The following GTF2F2 variants were observed in gnomAD, a reference collection of about 807,000 sequenced individuals.
GTF2F2 encodes the protein ATP-dependent helicase GTF2F2.
A neutral mutation model predicts 42.2 loss-of-function variants in GTF2F2; 23 were observed. The observed-to-expected ratio is 0.55, with a 90% CI of 0.39 to 0.77. The LOEUF (loss-of-function observed/expected upper bound fraction) is 0.77. GTF2F2 is among the 30% of genes least tolerant of loss of function. The pLI is 0.00. For synonymous variants in GTF2F2, 105 were observed against 100.8 expected (o/e 1.04, Z -0.25); for missense variants, 261 against 287.2 (o/e 0.91, Z 0.66).
intron 4 of GTF2F2, among the ~76,000 whole-genome samples, chr13:45,192,556 A>T (rs973957804): frequency 6.6e-6 from 1 of 152,198 alleles, no homozygotes; most frequent in African/African-American, 2.4e-5. Flanking sequence ...GCAAATTTAA[A>T]TATATTTTGT....
intron 5 of GTF2F2, among the ~76,000 whole-genome samples, chr13:45,212,471 C>CTTTTCTTTTCTTTTCTTTTCT (rs374232843): frequency 1.3e-4 from 10 of 75,076 alleles, no homozygotes; most frequent in African/African-American, 3.4e-4. Flanking sequence ...TTCTTTCTTT[C>CTTTTCTTTTCTTTTCTTTTCT]TTTCTTTCTT....
intron 7 of GTF2F2, among the ~76,000 whole-genome samples, chr13:45,270,920 ACT>A (rs1314524850): frequency 1.3e-5 from 2 of 152,080 alleles, no homozygotes; most frequent in Admixed American, 1.3e-4. Context: ...GAACTTCAAC[ACT>A]CTGTTTTCTA....
intron 6 of GTF2F2, among the ~76,000 whole-genome samples, chr13:45,259,647 CTTTTTTTT>C (rs1172870085): frequency 1.4e-5 from 1 of 72,224 alleles, no homozygotes; most frequent in Non-Finnish European, 2.4e-5. Context: ...AAACCTAGAA[CTTTTTTTT>C]TTTTTTTTTT....
chr13:45,207,404 C>CT lies in GTF2F2; in HGVS notation c.305-10dup, dbSNP rs376474669. On this transcript the variant is annotated intron_variant, in intron 4 of 7. Transcript: ENST00000340473. ...AAATGATAAGTATTATCTCTGAATC[C>CT]TTTTTTTTTTCCATTCAAGATAAGC... 9,695 of 1,244,960 alleles carry CT rather than the reference C, an allele frequency of 7.8e-3. No individual in the cohort carries two copies. Among genetic ancestry groups the CT allele is most frequent in the Non-Finnish European group, 8.9e-3 (7,942 of 892,680 alleles). 77.1% of individuals were successfully genotyped at this position (1,244,960 alleles called of 1,614,324 possible).
At chr13:45,241,679 A>G (rs555447516) in intron 5 of GTF2F2, among the ~76,000 whole-genome samples, 61 of 152,332 alleles carry the variant, frequency 4.0e-4, no homozygotes, top group African/African-American at 1.3e-3. Flanking sequence ...AATGCATTTT[A>G]TATCTATTCT....
chr13:45,234,627 A>G (rs992524281), intron 5 of GTF2F2, among the ~76,000 whole-genome samples: 3 of 152,222 alleles, frequency 2.0e-5, no homozygotes, highest in Non-Finnish European at 2.9e-5. Context: ...CATGGGTTCA[A>G]TATAAAAGAA....
chr13:45,206,589 A>G (rs1873422168), intron 4 of GTF2F2: 2 of 152,240 alleles, frequency 1.3e-5, no homozygotes, highest in South Asian at 4.1e-4. Context: ...AACCACAGTC[A>G]TACATTTCCA....
intron 1 of GTF2F2, among the ~76,000 whole-genome samples, chr13:45,127,472 T>C (rs1593442618): frequency 6.6e-6 from 1 of 151,178 alleles, no homozygotes; most frequent in Non-Finnish European, 1.5e-5. Context: ...ACTATAGGCA[T>C]GTGTCACCAC....
chr13:45,192,597 T>G (rs992904555), intron 4 of GTF2F2, among the ~76,000 whole-genome samples: 1 of 152,192 alleles, frequency 6.6e-6, no homozygotes, highest in Non-Finnish European at 1.5e-5. Context: ...GTGAAATGAT[T>G]TAGCTGTCCT....
chr13:45,191,960 G>C (rs1057168566), intron 4 of GTF2F2, among the ~76,000 whole-genome samples: 3 of 152,032 alleles, frequency 2.0e-5, no homozygotes, highest in South Asian at 4.2e-4. Context: ...GATATGTCAG[G>C]GTTATTTTTA....
intron 6 of GTF2F2, among the ~76,000 whole-genome samples, chr13:45,260,285 G>A (rs1379201786): frequency 6.6e-6 from 1 of 152,156 alleles, no homozygotes; most frequent in African/African-American, 2.4e-5. Context: ...ACTATATCAT[G>A]AGGGCTTTTC....
chr13:45,238,931 C>T (rs1207378347), intron 5 of GTF2F2, among the ~76,000 whole-genome samples: 9 of 117,268 alleles, frequency 7.7e-5, no homozygotes, highest in South Asian at 2.5e-4. Flanking sequence ...GCAATAAGAG[C>T]GAAATTCCAT....
In GTF2F2 at chr13:45,180,122, A is replaced by C. The variant is rs566367951; in HGVS notation, c.305-27302A>C. 3.6e-3 allele frequency among the ~76,000 whole-genome samples: 554 copies of C among 152,298 alleles called. 1 individual carries two copies. The highest frequency in any genetic ancestry group is 7.1e-3 in the Non-Finnish European group (484 of 68,018). ...CTCATTTTTACTTAGTTGTGTTATC[A>C]CTTCATCAAGGCTGTAAAGACTAAC... is the stretch of plus-strand genomic sequence containing the variant. On this transcript the variant is annotated intron_variant, in intron 4 of 7. Coordinates refer to ENST00000340473, the MANE Select transcript of GTF2F2 (RefSeq NM_004128.3).
chr13:45,143,709 T>C (rs1027255220), intron 2 of GTF2F2, among the ~76,000 whole-genome samples: 11 of 151,918 alleles, frequency 7.2e-5, no homozygotes, highest in Non-Finnish European at 1.0e-4. Flanking sequence ...GGTGGAGAGA[T>C]TGGGAGAGGC....
At chr13:45,194,039 T>C in intron 4 of GTF2F2, 1 of 1,614,182 alleles carries the variant, frequency 6.2e-7, no homozygotes, top group South Asian at 1.1e-5. Context: ...AGCCTGCTTT[T>C]GGACACCAGA....
intron 4 of GTF2F2, among the ~76,000 whole-genome samples, chr13:45,195,559 G>A (rs1415554622): frequency 6.6e-6 from 1 of 152,142 alleles, no homozygotes; most frequent in Non-Finnish European, 1.5e-5. Flanking sequence ...TTCACAGTGG[G>A]CAAAATAAAT....
intron 5 of GTF2F2, among the ~76,000 whole-genome samples, chr13:45,235,177 G>A (rs1874902267): frequency 6.6e-6 from 1 of 151,180 alleles, no homozygotes; most frequent in African/African-American, 2.4e-5. Context: ...TGTCAATATG[G>A]TAAACTTATA....
chr13:45,279,123 T>C (rs1877155214), intron 7 of GTF2F2, among the ~76,000 whole-genome samples: 1 of 152,034 alleles, frequency 6.6e-6, no homozygotes, highest in African/African-American at 2.4e-5. Flanking sequence ...ACACCCGGCG[T>C]AATATGCCTT....
rs897273190 is a variant in GTF2F2, at chr13:45,279,645, T to C, written c.631-3797T>C. ...GCATGTGGCCGGGCGCGGTGGCTCA[T>C]GCCTGTAATCCTAGCGCTTTGGGAG... On this transcript the variant is annotated intron_variant, in intron 7 of 7. Transcript: ENST00000340473. 2.6e-5 allele frequency among the ~76,000 whole-genome samples: 4 copies of C among 152,240 alleles called. No individual in the cohort carries two copies. In the East Asian group the frequency reaches 7.7e-4, roughly 29 times the overall value.
Sources: gnomAD v4.1 joint callset for allele counts (sites outside exome capture counted in the v4.1 genomes callset) on GRCh38, gnomAD v4.1.1 for gene constraint, MANE v1.5 for transcripts, NCBI Gene and HGNC (gene_info 2026-07-23, HGNC 2026-07-21) for gene names.